Variants in SLIT2 observed in about 807,000 individuals in gnomAD.
SLIT2 encodes the protein slit guidance ligand 2, also known as slit homolog 2 protein.
In SLIT2, 41 loss-of-function variants were observed where a neutral mutation model predicts 185.7. That is an observed-to-expected ratio of 0.22 (90% CI 0.17 to 0.29). SLIT2 has a LOEUF of 0.29. Ranked by LOEUF, SLIT2 falls within the 10% of genes least tolerant of loss-of-function variation. SLIT2 has a pLI of 1.00. For synonymous variants in SLIT2, 693 were observed against 680.2 expected, an observed-to-expected ratio of 1.02 and a Z score of -0.29; for missense variants, 1,571 against 1,909.0, an observed-to-expected ratio of 0.82 and a Z score of 3.30.
At chr4:20,600,153 T>A (rs1362718040) in intron 33 of SLIT2, among the ~76,000 whole-genome samples, 1 of 151,474 alleles carries the variant, frequency 6.6e-6, no homozygotes, top group East Asian at 1.9e-4. Flanking sequence ...TTTTTTTTAA[T>A]TTTTTTTTAA....
chr4:20,610,022 A>G lies in SLIT2; in HGVS notation c.3702A>G (p.Thr1234=). 6.2e-7 allele frequency: 1 copy of G among 1,612,734 alleles called. No individual in the cohort carries two copies. The highest frequency in any genetic ancestry group is 8.5e-7 in the Non-Finnish European group (1 of 1,179,376). ...TTTTTTTCCGTTGTAGTGTGGAGAC[A>G]ATCAATGATGGAAACTTCCACATTG... The part of the protein sequence containing the change: ...HPASAIYSVE[T]INDGNFHIVE... Residue 1234 remains threonine (T), a synonymous_variant, in exon 34 of 37, where the codon ACA becomes ACG. Transcript: ENST00000504154.
chr4:20,415,253 T>C (rs1422561737), intron 4 of SLIT2, among the ~76,000 whole-genome samples: 2 of 151,886 alleles, frequency 1.3e-5, no homozygotes, highest in African/African-American at 4.8e-5. Flanking sequence ...CTACTAAAAA[T>C]ACAAAAAATT....
chr4:20,513,841 A>G (rs1719962180), intron 11 of SLIT2, among the ~76,000 whole-genome samples: 1 of 152,154 alleles, frequency 6.6e-6, no homozygotes. Flanking sequence ...GAGGAAAGGC[A>G]TTCAAGACAG....
chr4:20,618,970 G>A lies in SLIT2; in HGVS notation c.4551G>A (p.Glu1517=). Residue 1517 remains glutamate, a synonymous_variant, in exon 37 of 37, where the codon GAG becomes GAA. Transcript: ENST00000504154. ...TDGSSFVDEV[E]KVVKCGCTRC... ...GCTCCTCCTTTGTGGACGAGGTTGA[G>A]AAAGTGGTGAAGTGCGGCTGTACGA... The A allele has an allele frequency of 6.2e-7, 1 of 1,614,124 alleles. No homozygotes were observed. The highest frequency in any genetic ancestry group is 2.2e-5 in the East Asian group (1 of 44,860).
At chr4:20,559,538 T>C (rs1226824963) in intron 26 of SLIT2, among the ~76,000 whole-genome samples, 1 of 151,986 alleles carries the variant, frequency 6.6e-6, no homozygotes. Context: ...TTAGACTGGA[T>C]AGTTGCCAAT....
chr4:20,469,578 A>G lies in SLIT2; in HGVS notation c.467+1755A>G, dbSNP rs190536815. 7.9e-5 allele frequency among the ~76,000 whole-genome samples: 12 copies of G among 151,984 alleles called. No individual in the cohort carries two copies. In the East Asian group the frequency reaches 2.1e-3, roughly 27 times the overall value. On this transcript the variant is annotated intron_variant, in intron 5 of 36. Transcript: ENST00000504154. ...AAATCTTTTCTCCCCCACAGGCATA[A>G]TTTTTTCTCAGAATTTAAAGATTTT...
intron 4 of SLIT2, among the ~76,000 whole-genome samples, chr4:20,313,713 G>A (rs1289569062): frequency 1.3e-5 from 2 of 152,098 alleles, no homozygotes; most frequent in Non-Finnish European, 2.9e-5. Flanking sequence ...AAACTGTTCT[G>A]CGCTAGATTC....
chr4:20,288,134 G>A (rs768521391), intron 4 of SLIT2, among the ~76,000 whole-genome samples: 4 of 152,114 alleles, frequency 2.6e-5, no homozygotes, highest in Non-Finnish European at 5.9e-5. Context: ...ATGCCATCAC[G>A]TTTATTATGG....
At chr4:20,469,793 T>C (rs1714769753) in intron 5 of SLIT2, among the ~76,000 whole-genome samples, 1 of 134,608 alleles carries the variant, frequency 7.4e-6, no homozygotes, top group Non-Finnish European at 1.6e-5. Flanking sequence ...TCTCGCTCTC[T>C]CACCCAGGCT....
At chr4:20,490,105 A>AT in intron 8 of SLIT2, among the ~76,000 whole-genome samples, 1 of 152,130 alleles carries the variant, frequency 6.6e-6, no homozygotes, top group South Asian at 2.1e-4. Context: ...AAATAAATCA[A>AT]TAAAATAAAT....
chr4:20,487,802 G>C (rs2148791384), intron 7 of SLIT2, among the ~76,000 whole-genome samples: 1 of 152,198 alleles, frequency 6.6e-6, no homozygotes, highest in Non-Finnish European at 1.5e-5. Context: ...CCTTTGCTTT[G>C]GTTGGGTCAT....
In SLIT2 at chr4:20,488,959, A is replaced by G; in HGVS notation, c.752A>G (p.Gln251Arg). Residue 251 changes from glutamine to arginine, a missense_variant, in exon 8 of 37, where the codon CAA becomes CGA. Gln to Arg is a conservative substitution (Grantham distance 43). Transcript: ENST00000504154. The stretch of plus-strand genomic sequence containing the variant: ...AGAGGCCATAATGTAGCCGAGGTTC[A>G]AAAACGAGAATTTGTCTGCAGTGGT... Reference protein sequence around the residue: ...HLRGHNVAEVQKREFVCSGHQ... With the variant: ...HLRGHNVAEVRKREFVCSGHQ... 1 of 1,610,898 alleles carries G rather than the reference A, an allele frequency of 6.2e-7. No homozygotes were observed. Among genetic ancestry groups the G allele is most frequent in the Non-Finnish European group, 8.5e-7 (1 of 1,177,532 alleles).
intron 4 of SLIT2, among the ~76,000 whole-genome samples, chr4:20,422,907 C>G (rs967635966): frequency 6.6e-6 from 1 of 150,884 alleles, no homozygotes; most frequent in African/African-American, 2.4e-5. Context: ...GCACTATTAA[C>G]TTTAGCCACT....
At chr4:20,462,155 A>G (rs777454635) in intron 4 of SLIT2, among the ~76,000 whole-genome samples, 2 of 152,254 alleles carry the variant, frequency 1.3e-5, no homozygotes, top group South Asian at 2.1e-4. Flanking sequence ...CACCTTTCCT[A>G]TTTGAAGATG....
At chr4:20,585,469 T>C (rs1478520844) in intron 29 of SLIT2, among the ~76,000 whole-genome samples, 1 of 152,112 alleles carries the variant, frequency 6.6e-6, no homozygotes, top group Non-Finnish European at 1.5e-5. Flanking sequence ...AATAAATAAA[T>C]AGGATTTCCT....
At chr4:20,563,198 A>G (rs1414752508) in intron 26 of SLIT2, among the ~76,000 whole-genome samples, 2 of 151,810 alleles carry the variant, frequency 1.3e-5, no homozygotes, top group African/African-American at 2.4e-5. Flanking sequence ...AGCTAATGCT[A>G]TAGTGCTCTC....
rs980180357 is a variant in SLIT2 at position 20,467,879 on chromosome 4, C to G, written c.467+56C>G. On this transcript the variant is annotated intron_variant, in intron 5 of 36. Coordinates refer to ENST00000504154, the MANE Select transcript of SLIT2 (RefSeq NM_004787.4). ...TTAAGTCATTATCTATTTTCAAAGT[C>G]AAGTTTATATTAAATAAAGTGTCAG... The G allele has an allele frequency of 4.6e-6, 4 of 875,442 alleles. No individual in the cohort carries two copies. In the African/African-American group the frequency reaches 6.9e-5, roughly 15 times the overall value. The allele number at this position is 875,442 out of a possible 1,614,324, so 54.2% of individuals were successfully genotyped here.
At position 20,522,935 on chromosome 4, in the gene SLIT2, A is replaced by G. The variant is rs541384384; in HGVS notation, c.1131-825A>G. On this transcript the variant is annotated intron_variant, in intron 12 of 36. Transcript: ENST00000504154. ...CATATAGATGACAGTCAGCAGTAACATAGTAAGTTGTGTAGCAGAAAAAAA... is the reference window on the plus strand; with the variant it reads ...CATATAGATGACAGTCAGCAGTAACGTAGTAAGTTGTGTAGCAGAAAAAAA... 2.4e-4 allele frequency among the ~76,000 whole-genome samples: 36 copies of G among 152,256 alleles called. No individual in the cohort carries two copies. The East Asian group carries it at 5.6e-3, about 24-fold the overall frequency.
rs541165472 is a variant in SLIT2 at position 20,375,225 on chromosome 4, C to T, written c.396-92527C>T. On this transcript the variant is annotated intron_variant, in intron 4 of 36. Transcript: ENST00000504154. ...TAATAGTAGAGTGCACATTCATCCA[C>T]TGAATAATTGTTGAAGGAAGAATGG... 5.7e-4 allele frequency among the ~76,000 whole-genome samples: 86 copies of T among 152,040 alleles called. No homozygotes were observed. In the South Asian group the frequency reaches 0.014, roughly 25 times the overall value.
Sources: gnomAD v4.1 joint callset for allele counts (sites outside exome capture counted in the v4.1 genomes callset) on GRCh38, gnomAD v4.1.1 for gene constraint, MANE v1.5 for transcripts, NCBI Gene and HGNC (gene_info 2026-07-23, HGNC 2026-07-21) for gene names.